The following LCP1 variants were observed in gnomAD, a reference collection of about 807,000 sequenced individuals.
LCP1 encodes the protein plastin-2.
In LCP1, 23 loss-of-function variants were observed where a neutral mutation model predicts 72.0. The observed-to-expected ratio is 0.32, with a 90% CI of 0.23 to 0.45. The LOEUF is 0.45. Among genes scored for constraint, LCP1 ranks in the 20% least tolerant of loss-of-function variants. LCP1 has a pLI of 1.00. For synonymous variants in LCP1, 245 were observed against 275.4 expected, an observed-to-expected ratio of 0.89 and a Z score of 1.09; for missense variants, 571 against 748.3, an observed-to-expected ratio of 0.76 and a Z score of 2.76.
chr13:46,170,360 C>G (rs376870725), intron 1 of LCP1, among the ~76,000 whole-genome samples: 45 of 152,360 alleles, frequency 3.0e-4, no homozygotes, highest in African/African-American at 1.0e-3. Flanking sequence ...CCCTACCTTG[C>G]CAGCCGCAAA....
In LCP1 at chr13:46,165,072, A is replaced by AT. The variant is rs566403234; in HGVS notation, c.-24-5387dup. ...AGTGTAAAAACAGGCAGACCAGATC[A>AT]TTTTTAAGAAAGACATTGAGCCAGG... On this transcript the variant is annotated intron_variant, in intron 1 of 15. Coordinates refer to ENST00000323076, the MANE Select transcript of LCP1 (RefSeq NM_002298.5). Among the ~76,000 whole-genome samples, 11 of 152,342 alleles carry AT rather than the reference A, an allele frequency of 7.2e-5. No homozygotes were observed. In the East Asian group the frequency reaches 2.1e-3, roughly 29 times the overall value.
Position 46,148,338 on chromosome 13 carries a change from G to T in LCP1, c.978+14C>A. 6.3e-7 allele frequency: 1 copy of T among 1,586,578 alleles called. No homozygotes were observed. On this transcript the variant is annotated intron_variant, in intron 9 of 15. Coordinates refer to ENST00000323076, the MANE Select transcript of LCP1 (RefSeq NM_002298.5). ...GCATCATATTCTCCAAACACAACTG[G>T]GACCTGGCCTTACCCGCAGTCCTGA...
At chr13:46,157,335 C>T (rs2045809213) in intron 4 of LCP1, among the ~76,000 whole-genome samples, 1 of 152,094 alleles carries the variant, frequency 6.6e-6, no homozygotes, top group Admixed American at 6.6e-5. Context: ...TTTAGCTCTG[C>T]TGGTTTAAAT....
intron 4 of LCP1, among the ~76,000 whole-genome samples, chr13:46,157,267 T>TAA (rs1036901056): frequency 6.6e-6 from 1 of 151,822 alleles, no homozygotes; most frequent in Non-Finnish European, 1.5e-5. Context: ...CATATATATA[T>TAA]ACACATATAA....
Position 46,146,998 on chromosome 13 carries a change from A to G in LCP1, c.1084T>C (p.Leu362=), listed in dbSNP as rs770722982. 6.8e-6 allele frequency: 11 copies of G among 1,613,972 alleles called. No homozygotes were observed. The highest frequency in any genetic ancestry group is 9.3e-6 in the Non-Finnish European group (11 of 1,180,016). The change falls in exon 10 of 16, where the codon TTG becomes CTG. Residue 362 remains leucine (L), a synonymous_variant. Transcript: ENST00000323076. Reference sequence around the variant, plus strand: ...AGGTTGGCAATAAAAGCCAAGTTCAACTTGGGGTTCCCTCGGACAACATCT... The same window carrying G: ...AGGTTGGCAATAAAAGCCAAGTTCAGCTTGGGGTTCCCTCGGACAACATCT... ...ATDVVRGNPK[L]NLAFIANLFN...
intron 14 of LCP1, among the ~76,000 whole-genome samples, chr13:46,132,236 G>C (rs1157644488): frequency 1.3e-5 from 2 of 152,218 alleles, no homozygotes; most frequent in Admixed American, 6.5e-5. Context: ...GTCAAACCTT[G>C]TCCCCATAAG....
intron 7 of LCP1, among the ~76,000 whole-genome samples, chr13:46,152,496 T>C (rs756967672): frequency 3.0e-4 from 45 of 152,170 alleles, no homozygotes; most frequent in Non-Finnish European, 5.3e-4. Context: ...AAAGGCAAAG[T>C]GAGCTCTGAA....
In LCP1 at chr13:46,134,154, C is replaced by T; in HGVS notation, c.1599G>A (p.Lys533=). Residue 533 remains lysine (K), a synonymous_variant, in exon 14 of 16, where the codon AAG becomes AAA. Coordinates refer to ENST00000323076, the MANE Select transcript of LCP1 (RefSeq NM_002298.5). ...TGAAACTAGAGATGGATGAACTTTT[C>T]TTTGCTTCCCTCAATGTTTCATTCA... ...NWVNETLREA[K]KSSSISSFKD... The T allele has an allele frequency of 6.2e-7, 1 of 1,613,744 alleles. No homozygotes were observed. Among genetic ancestry groups the T allele is most frequent in the Non-Finnish European group, 8.5e-7 (1 of 1,179,782 alleles).
At chr13:46,180,225 C>A (rs534007200) in intron 1 of LCP1, among the ~76,000 whole-genome samples, 5 of 152,172 alleles carry the variant, frequency 3.3e-5, no homozygotes, top group Non-Finnish European at 7.3e-5. Context: ...CTAGCCCATT[C>A]CTTATCTCTA....
At chr13:46,142,211 C>G (rs1017371055) in intron 13 of LCP1, 81 bp downstream of exon 13, 2 of 1,406,396 alleles carry the variant, frequency 1.4e-6, no homozygotes, top group Non-Finnish European at 9.9e-7. Context: ...ACTGAATTAA[C>G]TCATACTGCT....
At chr13:46,152,662 T>A (rs909095956) in intron 7 of LCP1, 118 bp downstream of exon 7, 30 of 966,766 alleles carry the variant, frequency 3.1e-5, no homozygotes, top group Non-Finnish European at 4.4e-5. Flanking sequence ...TACCATGGAA[T>A]CAATATAACT....
At chr13:46,145,833 C>T (rs2045726722) in intron 10 of LCP1, among the ~76,000 whole-genome samples, 2 of 94,700 alleles carry the variant, frequency 2.1e-5, no homozygotes, top group African/African-American at 5.4e-5. Flanking sequence ...GGCGTGAACC[C>T]GGGAGGCGGA....
intron 14 of LCP1, among the ~76,000 whole-genome samples, chr13:46,133,836 C>T (rs1423440920): frequency 6.6e-6 from 1 of 152,024 alleles, no homozygotes; most frequent in East Asian, 1.9e-4. Flanking sequence ...CTCAGCATCA[C>T]TCAATATACC....
intron 15 of LCP1, among the ~76,000 whole-genome samples, chr13:46,130,454 G>A (rs980608707): frequency 9.2e-5 from 14 of 152,216 alleles, no homozygotes; most frequent in Non-Finnish European, 2.9e-5. Flanking sequence ...CACTGGCAAA[G>A]GCTCTGCTGT....
intron 13 of LCP1, among the ~76,000 whole-genome samples, chr13:46,139,580 A>G (rs761723060): frequency 3.3e-5 from 5 of 152,206 alleles, no homozygotes; most frequent in Non-Finnish European, 5.9e-5. Flanking sequence ...TCACACTAAC[A>G]TAGGATCTAA....
Position 46,158,523 on chromosome 13 carries a change from T to G in LCP1, c.357A>C (p.Ser119=), listed in dbSNP as rs2045817470. 1 of 1,613,224 alleles carries G rather than the reference T, an allele frequency of 6.2e-7. No individual in the cohort carries two copies. The highest frequency in any genetic ancestry group is 1.7e-4 in the Middle Eastern group (1 of 6,058). ...CTCCAACCCAGGAGTTGAGCCTACCTGAATAGGAGTGTTGGGTGCCAACGC... is the reference window on the plus strand; with the variant it reads ...CTCCAACCCAGGAGTTGAGCCTACCGGAATAGGAGTGTTGGGTGCCAACGC... ...QSSVGTQHSY[S]EEEKYAFVNW... Residue 119 remains serine, a splice_region_variant and synonymous_variant, in exon 4 of 16, where the codon TCA becomes TCC. Coordinates refer to ENST00000323076, the MANE Select transcript of LCP1 (RefSeq NM_002298.5).
intron 11 of LCP1, 35 bp from the exon 12 acceptor site, chr13:46,143,439 T>G: frequency 7.0e-7 from 1 of 1,435,172 alleles, no homozygotes; most frequent in Non-Finnish European, 9.8e-7. Flanking sequence ...TTCTCAGATA[T>G]CCAACATTTA....
intron 2 of LCP1, 169 bp downstream of exon 2, chr13:46,159,430 T>C (rs956203522): frequency 4.2e-5 from 25 of 601,526 alleles, no homozygotes; most frequent in Non-Finnish European, 7.1e-5. Flanking sequence ...GAAAGTCATT[T>C]TATTGAAGCA....
At chr13:46,133,401 G>GGATC (rs2045644940) in intron 14 of LCP1, among the ~76,000 whole-genome samples, 1 of 152,280 alleles carries the variant, frequency 6.6e-6, no homozygotes, top group South Asian at 2.1e-4. Flanking sequence ...TGAAGCAGGA[G>GGATC]GATCTCTGGA....
Sources: allele counts gnomAD v4.1 joint callset (sites outside exome capture counted in the v4.1 genomes callset), GRCh38; gene constraint gnomAD v4.1.1; transcripts MANE v1.5; gene names NCBI Gene and HGNC (gene_info 2026-07-23, HGNC 2026-07-21).